The following RNF146 variants were observed in gnomAD, a reference collection of about 807,000 sequenced individuals.
RNF146 encodes ring finger protein 146.
A neutral mutation model predicts 29.7 loss-of-function variants in RNF146; 11 were observed. That is an observed-to-expected ratio of 0.37 (90% CI 0.23 to 0.61). RNF146 has a LOEUF of 0.61. RNF146 is among the 20% of genes least tolerant of loss of function. The pLI is 0.66. For synonymous variants in RNF146, 150 were observed against 159.7 expected (o/e 0.94, Z 0.46); for missense variants, 342 against 438.9 (o/e 0.78, Z 1.97).
In RNF146 at chr6:127,287,231, A is replaced by T. The variant is rs373821466; in HGVS notation, c.618A>T (p.Ala206=). ...CTGACGGAGCGGACAGTGTATCAGCACAGAGTGGAGCTTCTGTTCAGCCCC... is the reference window on the plus strand; with the variant it reads ...CTGACGGAGCGGACAGTGTATCAGCTCAGAGTGGAGCTTCTGTTCAGCCCC... ...SSADGADSVS[A]QSGASVQPLV... The change falls in exon 3 of 3, where the codon GCA becomes GCT. Residue 206 remains alanine, a synonymous_variant. Transcript: ENST00000368314. 3.7e-6 allele frequency: 6 copies of T among 1,613,320 alleles called. No homozygotes were observed. In the African/African-American group the frequency reaches 8.0e-5, roughly 22 times the overall value.
chr6:127,273,252 A>G (rs1777740156), intron 1 of RNF146, among the ~76,000 whole-genome samples: 1 of 152,214 alleles, frequency 6.6e-6, no homozygotes, highest in South Asian at 2.1e-4. Flanking sequence ...GTGGAAATTC[A>G]TAATAGCAAC....
intron 1 of RNF146, among the ~76,000 whole-genome samples, chr6:127,278,905 C>CT: frequency 6.6e-6 from 1 of 151,860 alleles, no homozygotes; most frequent in South Asian, 2.1e-4. Context: ...TGTTAAGGAT[C>CT]TTTTTGTGTG....
intron 2 of RNF146, chr6:127,280,809 T>C (rs2114485161): frequency 6.6e-6 from 1 of 152,572 alleles, no homozygotes; most frequent in East Asian, 1.9e-4. Flanking sequence ...TTCATATCAC[T>C]TCACTCTGAT....
chr6:127,277,143 G>GAGA (rs1778319219), intron 1 of RNF146, among the ~76,000 whole-genome samples: 1 of 152,076 alleles, frequency 6.6e-6, no homozygotes, highest in South Asian at 2.1e-4. Context: ...CAGGTGGTGA[G>GAGA]AGAGCAGTTT....
At chr6:127,277,689 T>C (rs1778412573) in intron 1 of RNF146, among the ~76,000 whole-genome samples, 1 of 151,978 alleles carries the variant, frequency 6.6e-6, no homozygotes, top group African/African-American at 2.4e-5. Flanking sequence ...TTCACATTTT[T>C]CTGCCCGCTT....
intron 2 of RNF146, among the ~76,000 whole-genome samples, chr6:127,284,786 G>A (rs1160247611): frequency 6.6e-6 from 1 of 151,904 alleles, no homozygotes; most frequent in African/African-American, 2.4e-5. Context: ...CTTAGAACAA[G>A]CTTATCCAAC....
At position 127,287,083 on chromosome 6, in the gene RNF146, G is replaced by T. The variant is rs146810798; in HGVS notation, c.470G>T (p.Arg157Ile). The change falls in exon 3 of 3, where the codon AGA (arginine) becomes ATA (isoleucine). Residue 157 changes from arginine (R) to isoleucine (I), a missense_variant. Arg to Ile is a moderately conservative substitution (Grantham distance 97, BLOSUM62 -3). Around this residue, in one of 6 missense-constraint regions of RNF146, gnomAD observed 28 missense variants for 40.7 expected, o/e 0.69. Transcript: ENST00000368314. ...CTTGAAAACATGGTTCAATATAGGA[G>T]AAATGAACATGGACGTCGCAGGAAG... ...ADLENMVQYR[R>I]NEHGRRRKIK... 1.1e-4 allele frequency: 175 copies of T among 1,613,170 alleles called. No homozygotes were observed. The highest frequency in any genetic ancestry group is 1.4e-4 in the Non-Finnish European group (168 of 1,179,570).
intron 1 of RNF146, among the ~76,000 whole-genome samples, chr6:127,270,949 G>A (rs576611645): frequency 6.6e-6 from 1 of 151,628 alleles, no homozygotes; most frequent in East Asian, 1.9e-4. Context: ...CCAATTAGCT[G>A]GGACTACAGG....
intron 1 of RNF146, among the ~76,000 whole-genome samples, chr6:127,270,796 G>A (rs117998494): frequency 0.025 from 3,801 of 151,620 alleles, 66 homozygotes; most frequent in East Asian, 0.1. Context: ...CTTAATGAAT[G>A]TAAACATATT....
At chr6:127,285,951 T>A in intron 2 of RNF146, 1 of 896,192 alleles carries the variant, frequency 1.1e-6, no homozygotes, top group Non-Finnish European at 1.5e-6. Context: ...GTTTAGTAAA[T>A]GTTTATCTGA....
At position 127,287,582 on chromosome 6, in the gene RNF146, C is replaced by T. The variant is rs568641274; in HGVS notation, c.969C>T (p.Pro323=). 4.3e-5 allele frequency: 69 copies of T among 1,612,734 alleles called. No individual in the cohort carries two copies. The highest frequency in any genetic ancestry group is 8.9e-5 in the East Asian group (4 of 44,790). The change falls in exon 3 of 3, where the codon CCC becomes CCT. Residue 323 remains proline (P), a synonymous_variant. Transcript: ENST00000368314. The part of the protein sequence containing the change: ...LLVSNANQTV[P]DRSDRSGTDR... ...TTTCTAATGCAAACCAGACAGTACCCGATCGATCAGATCGATCGGGAACTG... is the reference window on the plus strand; with the variant it reads ...TTTCTAATGCAAACCAGACAGTACCTGATCGATCAGATCGATCGGGAACTG...
chr6:127,272,328 G>A (rs1457377541), intron 1 of RNF146, among the ~76,000 whole-genome samples: 1 of 152,190 alleles, frequency 6.6e-6, no homozygotes, highest in Non-Finnish European at 1.5e-5. Context: ...CTCCCAGGTA[G>A]TGCTGATAGT....
At chr6:127,280,435 AATTAT>A (rs1254480649) in intron 2 of RNF146, 95 bp downstream of exon 2, 2 of 1,413,146 alleles carry the variant, frequency 1.4e-6, no homozygotes, top group East Asian at 2.6e-5. Context: ...ATGTAGTTTT[AATTAT>A]ATTAAATGAG....
intron 2 of RNF146, among the ~76,000 whole-genome samples, chr6:127,282,093 T>C (rs753549334): frequency 1.1e-4 from 17 of 151,706 alleles, no homozygotes; most frequent in Admixed American, 2.6e-4. Flanking sequence ...AGCTATTAAG[T>C]GTGTGGGGTT....
At chr6:127,276,287 G>T (rs1778198215) in intron 1 of RNF146, among the ~76,000 whole-genome samples, 1 of 151,984 alleles carries the variant, frequency 6.6e-6, no homozygotes, top group Admixed American at 6.6e-5. Context: ...TTTAAACTAG[G>T]GCACTAGCAA....
At chr6:127,285,865 T>C (rs561682771) in intron 2 of RNF146, among the ~76,000 whole-genome samples, 2 of 152,054 alleles carry the variant, frequency 1.3e-5, no homozygotes, top group Non-Finnish European at 2.9e-5. Context: ...TGTTTCCTTA[T>C]TTAACAGAGT....
At chr6:127,283,229 T>A (rs1463781944) in intron 2 of RNF146, among the ~76,000 whole-genome samples, 2 of 151,822 alleles carry the variant, frequency 1.3e-5, no homozygotes, top group Non-Finnish European at 2.9e-5. Context: ...ACATGAAGAA[T>A]TCAGTAAAAA....
intron 1 of RNF146, 85 bp from the exon 2 acceptor site, chr6:127,280,146 T>A: frequency 1.8e-6 from 1 of 549,614 alleles, no homozygotes; most frequent in Admixed American, 3.2e-5. Flanking sequence ...ACTTTTAAGA[T>A]AAAGTTTTCC....
At chr6:127,270,725 A>C (rs1421034055) in intron 1 of RNF146, among the ~76,000 whole-genome samples, 1 of 152,006 alleles carries the variant, frequency 6.6e-6, no homozygotes, top group Non-Finnish European at 1.5e-5. Context: ...AGAGAGCAAA[A>C]CCAATGTTTC....
Sources: allele counts gnomAD v4.1 joint callset (sites outside exome capture counted in the v4.1 genomes callset), GRCh38; gene constraint gnomAD v4.1.1; regional missense constraint gnomAD v4.1.1; transcripts MANE v1.5; gene names NCBI Gene and HGNC (gene_info 2026-07-23, HGNC 2026-07-21).